Variants in PIK3C2G observed in about 807,000 individuals in gnomAD.
PIK3C2G encodes phosphatidylinositol 3-kinase C2 domain-containing subunit gamma.
PIK3C2G carries 168 observed loss-of-function variants against 181.1 expected under a neutral mutation model. That is an observed-to-expected ratio of 0.93 (90% CI 0.82 to 1.05). The LOEUF (loss-of-function observed/expected upper bound fraction) is 1.05. Among genes scored for constraint, PIK3C2G ranks in the 50% least tolerant of loss-of-function variants. The probability of loss-of-function intolerance (pLI) is 0.00; values close to 1 mark genes in which losing one functional copy is unlikely to be tolerated. For missense variants in PIK3C2G, 1,869 were observed against 1,732.8 expected, an observed-to-expected ratio of 1.08 and a Z score of -1.40; for synonymous variants, 573 against 592.2, an observed-to-expected ratio of 0.97 and a Z score of 0.47.
chr12:18,563,382 TC>T lies in PIK3C2G; in HGVS notation c.3787del (p.Leu1263Ter). Reference sequence around the variant, plus strand: ...TATCTATTTACTTTCTGCAGCTGTATCTGATCCAGGTGACACACAGCAACAA... The same window carrying T: ...TATCTATTTACTTTCTGCAGCTGTATTGATCCAGGTGACACACAGCAACAA... ...GFSKKSSNLYLIQVTHSNNET... is the reference protein window; with the variant it reads ...GFSKKSSNLYXIQVTHSNNET... On this transcript the variant is annotated frameshift_variant, in exon 28 of 33. Transcript: ENST00000538779. LOFTEE classifies it high-confidence loss of function. The T allele has an allele frequency of 6.2e-7, 1 of 1,611,146 alleles. No individual in the cohort carries two copies. The highest frequency in any genetic ancestry group is 8.5e-7 in the Non-Finnish European group (1 of 1,178,334).
intron 11 of PIK3C2G, 37 bp from the exon 12 acceptor site, chr12:18,362,727 G>A (rs2078153430): frequency 1.4e-6 from 2 of 1,463,684 alleles, no homozygotes; most frequent in Non-Finnish European, 1.8e-6. Flanking sequence ...TTTCTTTAAA[G>A]TGCTAAGCAT....
chr12:18,511,628 G>T (rs529627069), intron 24 of PIK3C2G, among the ~76,000 whole-genome samples: 1 of 151,986 alleles, frequency 6.6e-6, no homozygotes, highest in East Asian at 1.9e-4. Context: ...TTTGAGAAAT[G>T]TCTATTTAGG....
chr12:18,605,653 G>C (rs914052056), intron 30 of PIK3C2G, among the ~76,000 whole-genome samples: 3 of 152,012 alleles, frequency 2.0e-5, no homozygotes, highest in African/African-American at 7.2e-5. Context: ...AACAGCTCTT[G>C]GGGTGACTAT....
At chr12:18,677,985 C>A in the PIK3C2G span, among the ~76,000 whole-genome samples, 1 of 151,938 alleles carries the variant, frequency 6.6e-6, no homozygotes, top group Non-Finnish European at 1.5e-5. Context: ...GAGAGTATGT[C>A]AATTAGCATA....
chr12:18,281,085 A>C (rs1295647689), intron 1 of PIK3C2G, among the ~76,000 whole-genome samples: 1 of 151,910 alleles, frequency 6.6e-6, no homozygotes, highest in Non-Finnish European at 1.5e-5. Flanking sequence ...TCACTTGGAG[A>C]CTTAAAAAAT....
chr12:18,314,206 G>A, intron 6 of PIK3C2G, 142 bp downstream of exon 6: 1 of 584,340 alleles, frequency 1.7e-6, no homozygotes, highest in Admixed American at 3.1e-5. Context: ...GAAACATGAT[G>A]AAATATCTTA....
At chr12:18,312,288 G>A (rs371204198) in intron 5 of PIK3C2G, among the ~76,000 whole-genome samples, 1 of 152,116 alleles carries the variant, frequency 6.6e-6, no homozygotes, top group Non-Finnish European at 1.5e-5. Context: ...ACACGCAGGT[G>A]GATAAAATAA....
At chr12:18,429,450 C>T (rs1946029477) in intron 18 of PIK3C2G, among the ~76,000 whole-genome samples, 1 of 152,134 alleles carries the variant, frequency 6.6e-6, no homozygotes, top group Non-Finnish European at 1.5e-5. Context: ...TAGGATGTCA[C>T]ATCATCAGGA....
the PIK3C2G span, among the ~76,000 whole-genome samples, chr12:18,703,086 G>A: frequency 3.0e-4 from 46 of 152,184 alleles, no homozygotes; most frequent in Admixed American, 1.6e-3. Flanking sequence ...AATAGGAAGC[G>A]GGATTCTCTT....
At chr12:18,260,946 G>A (rs879759770), upstream of PIK3C2G, among the ~76,000 whole-genome samples, 1 of 151,952 alleles carries the variant, frequency 6.6e-6, no homozygotes, top group Non-Finnish European at 1.5e-5. Context: ...TTATTTTGCT[G>A]TTCCTTTTCA....
chr12:18,546,187 C>T (rs748686850), intron 25 of PIK3C2G, 136 bp from the exon 26 acceptor site: 109 of 600,638 alleles, frequency 1.8e-4, no homozygotes, highest in Non-Finnish European at 2.4e-4. Flanking sequence ...TATATGCATT[C>T]GTGTATATAA....
At chr12:18,685,541 T>C in the PIK3C2G span, 1 of 376,066 alleles carries the variant, frequency 2.7e-6, no homozygotes, top group South Asian at 2.1e-5. Flanking sequence ...ATGTTTTCTA[T>C]GGTTCACCTG....
chr12:18,594,359 A>G (rs1415238236), intron 29 of PIK3C2G, 135 bp from the exon 30 acceptor site: 5 of 552,556 alleles, frequency 9.0e-6, no homozygotes, highest in Non-Finnish European at 1.6e-5. Context: ...CCTTTCTAAT[A>G]TACTTTCTCT....
intron 8 of PIK3C2G, among the ~76,000 whole-genome samples, chr12:18,325,723 AAGAG>A (rs914372344): frequency 9.3e-5 from 14 of 150,964 alleles, no homozygotes; most frequent in South Asian, 2.1e-4. Context: ...AAAAAAAAAA[AAGAG>A]AGAGAGAGAG....
chr12:18,588,318 T>C (rs1354605466), intron 29 of PIK3C2G, among the ~76,000 whole-genome samples: 3 of 152,010 alleles, frequency 2.0e-5, no homozygotes, highest in Non-Finnish European at 4.4e-5. Context: ...GCAGAAAACC[T>C]ACTGAATGAG....
At chr12:18,567,123 T>C (rs11044189) in intron 29 of PIK3C2G, 66 bp downstream of exon 29, 148,314 of 793,002 alleles carry the variant, frequency 0.19, 15,369 homozygotes, top group East Asian at 0.25. Context: ...TATTCGTGAG[T>C]GTGGTGGTTT....
Position 18,609,522 on chromosome 12 carries a change from A to C in PIK3C2G, c.4088-13A>C, listed in dbSNP as rs1375780203. The C allele has an allele frequency of 6.6e-7, 1 of 1,518,008 alleles. No homozygotes were observed. Among genetic ancestry groups the C allele is most frequent in the East Asian group, 2.4e-5 (1 of 42,518 alleles). 94.0% of individuals were successfully genotyped at this position (1,518,008 alleles called of 1,614,324 possible). On this transcript the variant is annotated splice_polypyrimidine_tract_variant and intron_variant, in intron 30 of 32. Transcript: ENST00000538779. ...TTCCAACTGAACTCACTGAAATTCTATTCTTTTATCAGGTGAGAAGTTTCC... is the reference window on the plus strand; with the variant it reads ...TTCCAACTGAACTCACTGAAATTCTCTTCTTTTATCAGGTGAGAAGTTTCC...
chr12:18,673,436 C>T, the PIK3C2G span, among the ~76,000 whole-genome samples: 4 of 151,878 alleles, frequency 2.6e-5, no homozygotes, highest in South Asian at 2.1e-4. Flanking sequence ...CTTTTTACAT[C>T]CATTATGGAA....
chr12:18,583,910 G>A (rs1033474693), intron 29 of PIK3C2G, among the ~76,000 whole-genome samples: 4 of 152,120 alleles, frequency 2.6e-5, no homozygotes, highest in African/African-American at 9.7e-5. Flanking sequence ...GATATGGATA[G>A]GAACAAAGAT....
Sources: gnomAD v4.1 joint callset for allele counts (sites outside exome capture counted in the v4.1 genomes callset) on GRCh38, gnomAD v4.1.1 for gene constraint, MANE v1.5 for transcripts, NCBI Gene and HGNC (gene_info 2026-07-23, HGNC 2026-07-21) for gene names.